The following ARAP3 variants were observed in gnomAD, a reference collection of about 807,000 sequenced individuals.
ARAP3 encodes the protein arf-GAP with Rho-GAP domain, ANK repeat and PH domain-containing protein 3.
A neutral mutation model predicts 169.2 loss-of-function variants in ARAP3; 82 were observed. The ratio of observed to expected loss-of-function variants is 0.48; its 90% CI spans 0.41 to 0.58. The LOEUF is 0.58. Among genes scored for constraint, ARAP3 ranks in the 20% least tolerant of loss-of-function variants. The pLI is 0.00. For missense variants in ARAP3, 1,764 were observed against 2,018.0 expected, an observed-to-expected ratio of 0.87 and a Z score of 2.41; for synonymous variants, 791 against 800.3, an observed-to-expected ratio of 0.99 and a Z score of 0.20.
Position 141,665,040 on chromosome 5 carries a change from C to T in ARAP3, c.2682G>A (p.Trp894Ter), listed in dbSNP as rs1236188295. ...QGEGRLDFTA[W>*]NAAIGGAAGG... is the part of the protein sequence containing the mutation. ...CAGCCGCGCCCCCAATGGCTGCGTTCCATGCCGTGAAGTCCAGCCGGCCCT... is the reference window on the plus strand; with the variant it reads ...CAGCCGCGCCCCCAATGGCTGCGTTTCATGCCGTGAAGTCCAGCCGGCCCT... Residue 894 changes from tryptophan (W) to a stop codon, truncating the protein, a stop_gained, in exon 19 of 33, where the codon TGG becomes TGA. Coordinates refer to ENST00000239440, the MANE Select transcript of ARAP3 (RefSeq NM_022481.6). LOFTEE classifies it high-confidence loss of function. 1 of 1,613,882 alleles carries T rather than the reference C, an allele frequency of 6.2e-7. No individual in the cohort carries two copies. Among genetic ancestry groups the T allele is most frequent in the Non-Finnish European group, 8.5e-7 (1 of 1,179,960 alleles).
At position 141,655,607 on chromosome 5, in the gene ARAP3, G is replaced by A; in HGVS notation, c.4110+14C>T. On this transcript the variant is annotated intron_variant, in intron 31 of 32. Transcript: ENST00000239440. ...ACGACAGGAATCGGGTTGGGGCAGGGTGGGGTGCCTTACCAGGGTCTGATT... is the reference window on the plus strand; with the variant it reads ...ACGACAGGAATCGGGTTGGGGCAGGATGGGGTGCCTTACCAGGGTCTGATT... The A allele has an allele frequency of 6.2e-7, 1 of 1,613,884 alleles. No homozygotes were observed. Among genetic ancestry groups the A allele is most frequent in the Non-Finnish European group, 8.5e-7 (1 of 1,179,988 alleles).
chr5:141,662,819 A>G (rs1157237079), intron 19 of ARAP3, among the ~76,000 whole-genome samples: 1 of 152,222 alleles, frequency 6.6e-6, no homozygotes, highest in Non-Finnish European at 1.5e-5. Flanking sequence ...TACGTGTGAG[A>G]AAGCTGTGAC....
At chr5:141,662,918 A>G (rs1328722361) in intron 19 of ARAP3, among the ~76,000 whole-genome samples, 1 of 152,204 alleles carries the variant, frequency 6.6e-6, no homozygotes, top group Admixed American at 6.5e-5. Flanking sequence ...CAAACAATAT[A>G]TATAAAATAA....
intron 16 of ARAP3, among the ~76,000 whole-genome samples, chr5:141,667,148 G>A (rs1310036702): frequency 6.6e-6 from 1 of 151,876 alleles, no homozygotes; most frequent in Admixed American, 6.6e-5. Flanking sequence ...TCCCACCTTG[G>A]CCTCCCAAAG....
intron 1 of ARAP3, 36 bp from the exon 2 acceptor site, chr5:141,680,539 C>G (rs2099912815): frequency 1.3e-6 from 2 of 1,529,574 alleles, no homozygotes; most frequent in South Asian, 1.2e-5. Flanking sequence ...AGGGCTCAGG[C>G]TGAGAATCCC....
intron 4 of ARAP3, 55 bp downstream of exon 4, chr5:141,679,490 G>C (rs1451371414): frequency 1.3e-6 from 2 of 1,538,320 alleles, no homozygotes; most frequent in African/African-American, 2.7e-5. Context: ...TGGATACATG[G>C]CCGCCACCGA....
At chr5:141,661,294 C>G (rs1202603353) in intron 21 of ARAP3, among the ~76,000 whole-genome samples, 2 of 152,056 alleles carry the variant, frequency 1.3e-5, no homozygotes, top group African/African-American at 4.8e-5. Flanking sequence ...AAACTCCTGG[C>G]CTTAGATGAC....
chr5:141,663,044 G>A (rs938973681), intron 19 of ARAP3, among the ~76,000 whole-genome samples: 9 of 152,340 alleles, frequency 5.9e-5, no homozygotes, highest in African/African-American at 2.2e-4. Context: ...CTGGGGCAGT[G>A]ATCCAGTATT....
In ARAP3 at chr5:141,673,044, C is replaced by G; in HGVS notation, c.1062G>C (p.Gln354His). 6.2e-7 allele frequency: 1 copy of G among 1,614,204 alleles called. No homozygotes were observed. Among genetic ancestry groups the G allele is most frequent in the Non-Finnish European group, 8.5e-7 (1 of 1,180,026 alleles). The change falls in exon 7 of 33, where the codon CAG becomes CAC. Residue 354 changes from glutamine (Q) to histidine (H), a missense_variant. Gln to His is a conservative substitution (Grantham distance 24). Around this residue, in one of 3 missense-constraint regions of ARAP3, gnomAD observed 630 missense variants for 678.7 expected, o/e 0.93. Transcript: ENST00000239440. Reference protein sequence around the residue: ...KDNKFQVITGQRVFVFRTESE... With the variant: ...KDNKFQVITGHRVFVFRTESE... The stretch of plus-strand genomic sequence containing the variant: ...TCTCTGTGCGGAACACGAACACCCT[C>G]TGGCCGGTGATGACCTGGAACTTGT...
chr5:141,660,509 G>C (rs2099909808), intron 21 of ARAP3, among the ~76,000 whole-genome samples: 1 of 150,436 alleles, frequency 6.6e-6, no homozygotes, highest in South Asian at 2.1e-4. Flanking sequence ...AAAAAAAAAA[G>C]AAAATATATA....
At position 141,653,770 on chromosome 5, in the gene ARAP3, G is replaced by A; in HGVS notation, c.*180C>T. On this transcript the variant is annotated 3_prime_UTR_variant, in exon 33 of 33. Transcript: ENST00000239440. The stretch of plus-strand genomic sequence containing the variant: ...TATAGATAAATGGGCTGGGCCCAGA[G>A]AGGGGCCATGACCTGTCCTGGGACA... The A allele has an allele frequency of 2.8e-6, 2 of 715,308 alleles. No individual in the cohort carries two copies. Among genetic ancestry groups the A allele is most frequent in the East Asian group, 3.0e-5 (1 of 33,440 alleles). 44.3% of individuals were successfully genotyped at this position (715,308 alleles called of 1,614,324 possible).
Position 141,666,564 on chromosome 5 carries a change from G to C in ARAP3, c.2432C>G (p.Ser811Cys). 3 of 1,569,624 alleles carry C rather than the reference G, an allele frequency of 1.9e-6. No individual in the cohort carries two copies. Among genetic ancestry groups the C allele is most frequent in the Non-Finnish European group, 2.6e-6 (3 of 1,159,684 alleles). Residue 811 changes from serine (S) to cysteine (C), a missense_variant, in exon 17 of 33, where the codon TCC (serine) becomes TGC (cysteine). Ser to Cys is a moderately radical substitution (Grantham distance 112). Around this residue, in one of 3 missense-constraint regions of ARAP3, gnomAD observed 1,112 missense variants for 1,285.7 expected, o/e 0.86. Coordinates refer to ENST00000239440, the MANE Select transcript of ARAP3 (RefSeq NM_022481.6). Reference protein sequence around the residue: ...RLGRLWLRSPSHTAPAPGLWL... With the variant: ...RLGRLWLRSPCHTAPAPGLWL... ...GAGACCAGGGGCCGGGGCTGTATGG[G>C]AGGGGGACCGCAGCCATAGGCGGCC...
Position 141,672,253 on chromosome 5 carries a change from C to A in ARAP3, c.1434G>T (p.Leu478=), listed in dbSNP as rs753023119. Residue 478 remains leucine, a synonymous_variant, in exon 10 of 33, where the codon CTG becomes CTT. Transcript: ENST00000239440. This position sits in a 1 kb window ranked among gnomAD's most constrained non-coding sequence, Gnocchi z 4.9. ...ACAGGGTCTCGGTTACTGCTTCCTG[C>A]AGAGCGGCCGCCCAGCTCTGCCGAG... ...GGARQSWAAA[L]QEAVTETLSD... is the part of the protein sequence containing the mutation. 1.9e-6 allele frequency: 3 copies of A among 1,614,196 alleles called. No homozygotes were observed. The highest frequency in any genetic ancestry group is 1.1e-5 in the South Asian group (1 of 91,088).
chr5:141,658,341 A>G, intron 25 of ARAP3, 24 bp downstream of exon 25: 3 of 1,607,576 alleles, frequency 1.9e-6, no homozygotes, highest in Non-Finnish European at 2.6e-6. Context: ...ACATGCATGA[A>G]CACACAGGCG....
chr5:141,654,289 T>C lies in ARAP3; in HGVS notation c.4296A>G (p.Thr1432=). Residue 1432 remains threonine, a synonymous_variant, in exon 33 of 33, where the codon ACA becomes ACG. Coordinates refer to ENST00000239440, the MANE Select transcript of ARAP3 (RefSeq NM_022481.6). ...STSFSTTREW[T]VKPENPLTSQ... ...TGGTGAGGGGGTTCTCTGGCTTCAC[T>C]GTCCACTCCCGTGTGGTGGAGAAGG... 1 of 1,614,152 alleles carries C rather than the reference T, an allele frequency of 6.2e-7. No homozygotes were observed. The highest frequency in any genetic ancestry group is 1.1e-5 in the South Asian group (1 of 91,080).
In ARAP3 at chr5:141,673,735, G is replaced by C; in HGVS notation, c.772C>G (p.Leu258Val). The change falls in exon 5 of 33, where the codon CTC (leucine) becomes GTC (valine). Residue 258 changes from leucine to valine, a missense_variant. Physicochemically the swap from Leu to Val is conservative, Grantham distance 32. Around this residue, in one of 3 missense-constraint regions of ARAP3, gnomAD observed 630 missense variants for 678.7 expected, o/e 0.93. Coordinates refer to ENST00000239440, the MANE Select transcript of ARAP3 (RefSeq NM_022481.6). ...ASLELPGDST[L>V]LSPTLETEET... ...TCTGTTTCCAGGGTGGGCGATAAGA[G>C]GGTGGAGTCTCCAGGTAGCTCAAGG... is the stretch of plus-strand genomic sequence containing the variant. 2.5e-6 allele frequency: 4 copies of C among 1,614,222 alleles called. No individual in the cohort carries two copies. The highest frequency in any genetic ancestry group is 3.4e-6 in the Non-Finnish European group (4 of 1,180,052).
intron 5 of ARAP3, 67 bp from the exon 6 acceptor site, chr5:141,673,537 G>A (rs1596492951): frequency 1.2e-6 from 2 of 1,612,886 alleles, no homozygotes; most frequent in South Asian, 1.1e-5. Context: ...ATAGGGTCTG[G>A]GGGCACTTTC....
At chr5:141,655,014 C>T (rs2099909029) in intron 32 of ARAP3, among the ~76,000 whole-genome samples, 1 of 152,110 alleles carries the variant, frequency 6.6e-6, no homozygotes, top group African/African-American at 2.4e-5. Flanking sequence ...GCTGGGATTA[C>T]AGGCATGAGC....
chr5:141,661,914 C>A, intron 20 of ARAP3, 125 bp from the exon 21 acceptor site: 1 of 1,498,450 alleles, frequency 6.7e-7, no homozygotes, highest in East Asian at 2.3e-5. Flanking sequence ...CCACCTCCCC[C>A]TGAGCCAAGT....
Sources: allele counts gnomAD v4.1 joint callset (sites outside exome capture counted in the v4.1 genomes callset), GRCh38; gene constraint gnomAD v4.1.1; regional missense constraint gnomAD v4.1.1; non-coding constraint Gnocchi (gnomAD v3.1); transcripts MANE v1.5; gene names NCBI Gene and HGNC (gene_info 2026-07-23, HGNC 2026-07-21).